Variants in CYFIP1 observed in about 807,000 individuals in gnomAD.
CYFIP1 encodes cytoplasmic FMR1 interacting protein 1.
In CYFIP1, 58 loss-of-function variants were observed where a neutral mutation model predicts 163.5. That is an observed-to-expected ratio of 0.35 (90% confidence interval 0.29 to 0.44). CYFIP1 has a LOEUF of 0.44. CYFIP1 is among the 20% of genes least tolerant of loss of function. CYFIP1 has a pLI of 1.00. For missense variants in CYFIP1, 1,338 were observed against 1,653.8 expected (o/e 0.81, Z 3.31); for synonymous variants, 663 against 660.7 (o/e 1.00, Z -0.05).
At chr15:22,877,368 A>G (rs2059615772) in intron 26 of CYFIP1, among the ~76,000 whole-genome samples, 1 of 152,182 alleles carries the variant, frequency 6.6e-6, no homozygotes, top group Non-Finnish European at 1.5e-5. Context: ...CATGAGCCAA[A>G]TAAACTCCTT....
chr15:22,933,795 C>T lies in CYFIP1; in HGVS notation c.992+7G>A, dbSNP rs375224048. On this transcript the variant is annotated splice_region_variant and intron_variant, in intron 10 of 30. Transcript: ENST00000617928. ...GCTCAAACCAGGCAGCTTTCCTCTC[C>T]TCCTACCGAGATTTATTTTCCTCGT... The T allele has an allele frequency of 9.3e-6, 15 of 1,609,436 alleles. No homozygotes were observed. The highest frequency in any genetic ancestry group is 1.3e-5 in the African/African-American group (1 of 74,760).
chr15:22,954,158 C>G (rs1331110947), intron 1 of CYFIP1, among the ~76,000 whole-genome samples: 14 of 152,150 alleles, frequency 9.2e-5, no homozygotes, highest in Admixed American at 9.2e-4. Flanking sequence ...GGGGCCTGAT[C>G]AGAGCAGGGC....
At chr15:22,897,724 T>C (rs2060280611) in intron 22 of CYFIP1, among the ~76,000 whole-genome samples, 1 of 152,144 alleles carries the variant, frequency 6.6e-6, no homozygotes, top group Non-Finnish European at 1.5e-5. Flanking sequence ...CCTCAAGTGA[T>C]TTGCCTGTCT....
At chr15:22,955,501 C>T (rs1012156326) in intron 1 of CYFIP1, among the ~76,000 whole-genome samples, 5 of 152,180 alleles carry the variant, frequency 3.3e-5, no homozygotes, top group African/African-American at 4.8e-5. Flanking sequence ...AGAGTTGCCC[C>T]GGCGTGGGCA....
At chr15:22,878,862 C>T (rs558371160) in intron 26 of CYFIP1, among the ~76,000 whole-genome samples, 5 of 152,250 alleles carry the variant, frequency 3.3e-5, no homozygotes, top group African/African-American at 4.8e-5. Flanking sequence ...AGAGGCCGGG[C>T]GCAGTGGCTC....
chr15:22,974,714 A>T (rs1479068580), intron 1 of CYFIP1, among the ~76,000 whole-genome samples: 1 of 152,202 alleles, frequency 6.6e-6, no homozygotes, highest in Non-Finnish European at 1.5e-5. Flanking sequence ...TGGGTGACAG[A>T]GTGAGACCCT....
intron 11 of CYFIP1, among the ~76,000 whole-genome samples, 187 bp downstream of exon 11, chr15:22,932,036 C>T (rs564307124): frequency 3.9e-5 from 6 of 152,312 alleles, no homozygotes; most frequent in African/African-American, 1.4e-4. Context: ...CATGAGGACA[C>T]GATGACGTTC....
chr15:22,893,099 A>T, intron 22 of CYFIP1, 122 bp from the exon 23 acceptor site: 2 of 685,540 alleles, frequency 2.9e-6, no homozygotes, highest in Non-Finnish European at 5.0e-6. Context: ...ACAATCATCA[A>T]ATAGGAAAAT....
At chr15:22,962,173 AG>A (rs2140201654) in intron 1 of CYFIP1, among the ~76,000 whole-genome samples, 1 of 152,330 alleles carries the variant, frequency 6.6e-6, no homozygotes, top group South Asian at 2.1e-4. Context: ...GATTGGTAGT[AG>A]GATTTTTAAA....
chr15:22,907,693 A>G (rs1383144216), intron 21 of CYFIP1, among the ~76,000 whole-genome samples: 1 of 152,222 alleles, frequency 6.6e-6, no homozygotes, highest in Non-Finnish European at 1.5e-5. Context: ...ACTGCCTACT[A>G]GCTCTGATTA....
chr15:22,944,042 C>G (rs957543151), intron 5 of CYFIP1, among the ~76,000 whole-genome samples: 6 of 151,942 alleles, frequency 3.9e-5, no homozygotes, highest in African/African-American at 1.5e-4. Context: ...AGTTCAAAAC[C>G]AGCTTGGCCA....
chr15:22,959,203 G>A (rs919369624), intron 1 of CYFIP1, among the ~76,000 whole-genome samples: 3 of 152,226 alleles, frequency 2.0e-5, no homozygotes, highest in Non-Finnish European at 2.9e-5. Flanking sequence ...GTGCACCTGG[G>A]CAACACACAG....
intron 1 of CYFIP1, among the ~76,000 whole-genome samples, chr15:22,980,037 C>T (rs2063422709): frequency 6.6e-6 from 1 of 151,638 alleles, no homozygotes; most frequent in Non-Finnish European, 1.5e-5. Context: ...GCGCAGGGAC[C>T]GGGAAGCCAG....
At chr15:22,945,172 G>A (rs894353557) in intron 3 of CYFIP1, among the ~76,000 whole-genome samples, 2 of 152,190 alleles carry the variant, frequency 1.3e-5, no homozygotes, top group Non-Finnish European at 1.5e-5. Flanking sequence ...GTGACACGCA[G>A]GCATCTCTGA....
chr15:22,977,630 A>C lies in CYFIP1; in HGVS notation c.-7+2657T>G, dbSNP rs568931126. ...TGGATCACCTGAGGTCAGGAGTTTG[A>C]GACCAGCCTGGCCAACATGGCAAAA... On this transcript the variant is annotated intron_variant, in intron 1 of 30. Coordinates refer to ENST00000617928, the MANE Select transcript of CYFIP1 (RefSeq NM_014608.6). Among the ~76,000 whole-genome samples, 22 of 152,268 alleles carry C rather than the reference A, an allele frequency of 1.4e-4. No individual in the cohort carries two copies. The South Asian group carries it at 4.1e-3, about 29-fold the overall frequency.
chr15:22,924,414 G>T (rs150850952), intron 13 of CYFIP1, among the ~76,000 whole-genome samples: 206 of 152,188 alleles, frequency 1.4e-3, no homozygotes, highest in Non-Finnish European at 2.1e-3. Flanking sequence ...ACAGAGCAAG[G>T]CTCCATCTTA....
intron 1 of CYFIP1, among the ~76,000 whole-genome samples, chr15:22,958,845 C>T (rs896918192): frequency 2.0e-5 from 3 of 152,220 alleles, no homozygotes; most frequent in African/African-American, 7.2e-5. Context: ...GCAGTTCTGT[C>T]TTTATCTGTC....
rs148190783 is a variant in CYFIP1, at chr15:22,873,227, C to G, written c.3450-255G>C. ...ATCATATCCCCTCTGTGATGAATGA[C>G]TCTATGGACCTCCCACCTAGAAAAA... On this transcript the variant is annotated intron_variant, in intron 29 of 30. Coordinates refer to ENST00000617928, the MANE Select transcript of CYFIP1 (RefSeq NM_014608.6). Among the ~76,000 whole-genome samples, 362 of 152,282 alleles carry G rather than the reference C, an allele frequency of 2.4e-3. 1 individual carries two copies. Among genetic ancestry groups the G allele is most frequent in the African/African-American group, 8.4e-3 (349 of 41,556 alleles).
intron 11 of CYFIP1, among the ~76,000 whole-genome samples, chr15:22,929,545 T>G (rs554037361): frequency 3.6e-4 from 53 of 147,922 alleles, no homozygotes; most frequent in Admixed American, 3.5e-3. Context: ...GGCAGGAGAA[T>G]TGCTTGAATC....
Sources: allele counts gnomAD v4.1 joint callset (sites outside exome capture counted in the v4.1 genomes callset), GRCh38; gene constraint gnomAD v4.1.1; transcripts MANE v1.5; gene names NCBI Gene and HGNC (gene_info 2026-07-23, HGNC 2026-07-21).